The following NCOA1 variants were observed in gnomAD, a reference collection of about 807,000 sequenced individuals.
NCOA1 encodes nuclear receptor coactivator 1, also known as Hin-2 protein.
A neutral mutation model predicts 150.9 loss-of-function variants in NCOA1; 35 were observed. That is an observed-to-expected ratio of 0.23 (90% CI 0.18 to 0.31). NCOA1 has a LOEUF of 0.31. Ranked by LOEUF, NCOA1 falls within the 10% of genes least tolerant of loss-of-function variation. NCOA1 has a pLI of 1.00. For synonymous variants in NCOA1, 590 were observed against 630.0 expected (o/e 0.94, Z 0.95); for missense variants, 1,491 against 1,749.3 (o/e 0.85, Z 2.63).
intron 1 of NCOA1, among the ~76,000 whole-genome samples, chr2:24,510,590 G>A (rs546885614): frequency 5.3e-5 from 8 of 152,110 alleles, no homozygotes; most frequent in Non-Finnish European, 1.2e-4. Context: ...TGATCCTCCT[G>A]CCTCAGCCTC....
At chr2:24,623,019 A>G (rs1159768246) in intron 3 of NCOA1, among the ~76,000 whole-genome samples, 1 of 152,204 alleles carries the variant, frequency 6.6e-6, no homozygotes, top group East Asian at 1.9e-4. Context: ...ACAGAAGAGC[A>G]GAGGGCTAAA....
chr2:24,598,090 C>T lies in NCOA1; in HGVS notation c.-175+13530C>T, dbSNP rs55773925. On this transcript the variant is annotated intron_variant, in intron 3 of 22. Coordinates refer to ENST00000348332, the MANE Select transcript of NCOA1 (RefSeq NM_003743.5). The stretch of plus-strand genomic sequence containing the variant: ...GATGGTTTCCAGCTTCATCCATGTC[C>T]CTACAAAGGACATGAACTCATCCGT... Among the ~76,000 whole-genome samples, 767 of 152,198 alleles carry T rather than the reference C, an allele frequency of 5.0e-3. 5 individuals carry two copies. Among genetic ancestry groups the T allele is most frequent in the African/African-American group, 0.018 (738 of 41,528 alleles).
At position 24,576,149 on chromosome 2, in the gene NCOA1, G is replaced by GT. The variant is rs1183405187; in HGVS notation, c.-259-8314dup. Among the ~76,000 whole-genome samples, 333 of 93,936 alleles carry GT rather than the reference G, an allele frequency of 3.5e-3. 8 individuals carry two copies. The highest frequency in any genetic ancestry group is 4.2e-3 in the Non-Finnish European group (207 of 48,834). 61.6% of individuals were successfully genotyped at this position (93,936 alleles called of 152,430 possible). A position where few individuals can be genotyped will look rare whatever the true frequency, so the allele number is the denominator to read the frequency against. On this transcript the variant is annotated intron_variant, in intron 2 of 22. Transcript: ENST00000348332. ...GAGTTTCAGAAATTATTTGGCCTTT[G>GT]TTTTTTTTTTTTTGTTTTTTGTTTT...
intron 1 of NCOA1, among the ~76,000 whole-genome samples, chr2:24,495,391 A>G (rs1043084134): frequency 1.4e-4 from 22 of 152,254 alleles, no homozygotes; most frequent in African/African-American, 5.1e-4. Context: ...TTTAAAAGAT[A>G]AGTAGCTTAT....
chr2:24,535,823 T>C (rs1265513030), intron 1 of NCOA1, among the ~76,000 whole-genome samples: 1 of 152,262 alleles, frequency 6.6e-6, no homozygotes. Context: ...AGATCCGCTG[T>C]TAGTCTGATG....
At chr2:24,504,381 A>G (rs1274318195) in intron 1 of NCOA1, among the ~76,000 whole-genome samples, 1 of 152,200 alleles carries the variant, frequency 6.6e-6, no homozygotes, top group Admixed American at 6.5e-5. Context: ...CTTATAGACT[A>G]TTGGCTAAAA....
chr2:24,645,904 G>A (rs1053315126), intron 4 of NCOA1, among the ~76,000 whole-genome samples: 1 of 152,092 alleles, frequency 6.6e-6, no homozygotes, highest in East Asian at 1.9e-4. Context: ...TGAGTAGGAT[G>A]TATTATAATA....
intron 3 of NCOA1, among the ~76,000 whole-genome samples, chr2:24,595,467 C>T (rs1172699411): frequency 6.6e-6 from 1 of 152,060 alleles, no homozygotes; most frequent in Admixed American, 6.6e-5. Context: ...CGCTTTCCAT[C>T]ACCTAAACAA....
chr2:24,500,714 C>T (rs990736321), intron 1 of NCOA1, among the ~76,000 whole-genome samples: 17 of 152,080 alleles, frequency 1.1e-4, no homozygotes, highest in African/African-American at 4.1e-4. Flanking sequence ...ACAAATGTCC[C>T]AAGTTTGTTG....
intron 19 of NCOA1, among the ~76,000 whole-genome samples, chr2:24,748,616 CAAAAAA>C (rs60280796): frequency 9.6e-6 from 1 of 103,814 alleles, no homozygotes. Context: ...AACTCGGTCT[CAAAAAA>C]AAAAAAAAAA....
chr2:24,736,640 G>A (rs1385281935), intron 17 of NCOA1, among the ~76,000 whole-genome samples: 2 of 152,190 alleles, frequency 1.3e-5, no homozygotes, highest in Non-Finnish European at 2.9e-5. Flanking sequence ...GAATACTTTT[G>A]TCTTTGCAAG....
intron 4 of NCOA1, among the ~76,000 whole-genome samples, chr2:24,655,854 C>T (rs1033375500): frequency 1.3e-5 from 2 of 151,234 alleles, no homozygotes; most frequent in Non-Finnish European, 2.9e-5. Flanking sequence ...TTTGGGAGGC[C>T]GAGGTGGGCA....
At chr2:24,729,013 G>A (rs1662856808) in intron 16 of NCOA1, among the ~76,000 whole-genome samples, 1 of 152,172 alleles carries the variant, frequency 6.6e-6, no homozygotes, top group Non-Finnish European at 1.5e-5. Flanking sequence ...GCGCAATTAG[G>A]TCACAATTTA....
At chr2:24,508,521 A>G (rs1663799493) in intron 1 of NCOA1, among the ~76,000 whole-genome samples, 1 of 152,094 alleles carries the variant, frequency 6.6e-6, no homozygotes, top group Non-Finnish European at 1.5e-5. Flanking sequence ...GCAGATGTAC[A>G]TGGGGCTGAT....
intron 3 of NCOA1, among the ~76,000 whole-genome samples, chr2:24,607,030 A>G (rs996451302): frequency 2.0e-5 from 3 of 152,154 alleles, no homozygotes; most frequent in African/African-American, 7.2e-5. Context: ...AGCAACTACC[A>G]TAAACTCAGA....
chr2:24,615,182 T>C (rs1170748018), intron 3 of NCOA1, among the ~76,000 whole-genome samples: 3 of 152,134 alleles, frequency 2.0e-5, no homozygotes, highest in Non-Finnish European at 2.9e-5. Context: ...GCAAGAAAAA[T>C]ATATTTGGAT....
chr2:24,707,573 T>C lies in NCOA1; in HGVS notation c.2103T>C (p.Asp701=). Residue 701 remains aspartate (D), a synonymous_variant, in exon 13 of 23, where the codon GAT becomes GAC. Transcript: ENST00000348332. ...TCTTACAGGAGGGTAGCCCCTCAGA[T>C]ATCACCACTTTGTCTGTCGAGCCTG... is the stretch of plus-strand genomic sequence containing the variant. ...HRLLQEGSPS[D]ITTLSVEPDK... 1.2e-6 allele frequency: 2 copies of C among 1,614,206 alleles called. No homozygotes were observed. The highest frequency in any genetic ancestry group is 1.7e-6 in the Non-Finnish European group (2 of 1,180,034).
intron 1 of NCOA1, among the ~76,000 whole-genome samples, chr2:24,523,329 G>A (rs62140849): frequency 0.15 from 22,263 of 151,960 alleles, 1,978 homozygotes; most frequent in Non-Finnish European, 0.2. Context: ...GCTTTTGGCC[G>A]GGAGCAGTGG....
intron 11 of NCOA1, among the ~76,000 whole-genome samples, chr2:24,703,925 C>T (rs776100240): frequency 1.3e-5 from 2 of 152,062 alleles, no homozygotes; most frequent in Non-Finnish European, 2.9e-5. Context: ...CTCAATCTTT[C>T]TTAAAATAGA....
Sources: gnomAD v4.1 joint callset for allele counts (sites outside exome capture counted in the v4.1 genomes callset) on GRCh38, gnomAD v4.1.1 for gene constraint, MANE v1.5 for transcripts, NCBI Gene and HGNC (gene_info 2026-07-23, HGNC 2026-07-21) for gene names.